CEP128: variants seen among roughly 807,000 people sequenced by gnomAD.
The protein encoded by CEP128 is centrosomal protein 128, also known as centrosomal protein 128kDa.
In CEP128, 132 loss-of-function variants were observed where a neutral mutation model predicts 156.7. The ratio of observed to expected loss-of-function variants is 0.84; its 90% CI spans 0.73 to 0.97. The LOEUF (loss-of-function observed/expected upper bound fraction) is 0.97, where lower values mean the gene tolerates loss of function less well. Among genes scored for constraint, CEP128 ranks in the 50% least tolerant of loss-of-function variants. CEP128 has a pLI of 0.00. For missense variants in CEP128, 1,252 were observed against 1,281.9 expected (o/e 0.98, Z 0.36); for synonymous variants, 469 against 448.9 (o/e 1.04, Z -0.57).
chr14:80,667,424 T>C (rs1321214623), intron 19 of CEP128, among the ~76,000 whole-genome samples: 1 of 152,096 alleles, frequency 6.6e-6, no homozygotes, highest in Non-Finnish European at 1.5e-5. Context: ...TATAAAACTG[T>C]TAGGGAGTGG....
At chr14:80,673,370 G>A (rs1489384137) in intron 19 of CEP128, among the ~76,000 whole-genome samples, 2 of 152,184 alleles carry the variant, frequency 1.3e-5, no homozygotes, top group Admixed American at 6.5e-5. Flanking sequence ...CAGGCCGGGC[G>A]CGGTGGCTCA....
At chr14:80,876,319 C>T (rs1299483255) in intron 8 of CEP128, among the ~76,000 whole-genome samples, 4 of 151,828 alleles carry the variant, frequency 2.6e-5, no homozygotes, top group East Asian at 1.9e-4. Context: ...AGCATCAGGC[C>T]GGGCGCAGTG....
intron 19 of CEP128, among the ~76,000 whole-genome samples, chr14:80,592,369 A>G (rs1036152055): frequency 6.6e-6 from 1 of 152,216 alleles, no homozygotes; most frequent in African/African-American, 2.4e-5. Context: ...AGAATACTAT[A>G]AACACCTCTA....
downstream of CEP128, among the ~76,000 whole-genome samples, chr14:80,485,923 C>A (rs1277277500): frequency 6.6e-6 from 1 of 152,154 alleles, no homozygotes; most frequent in Non-Finnish European, 1.5e-5. Context: ...ATCTACATTA[C>A]CACTTGGTAC....
At chr14:80,911,971 C>A (rs548057909) in intron 4 of CEP128, among the ~76,000 whole-genome samples, 175 of 152,308 alleles carry the variant, frequency 1.1e-3, no homozygotes, top group Non-Finnish European at 2.3e-3. Flanking sequence ...GTAATCCCAG[C>A]ACTTTGGGAG....
intron 23 of CEP128, among the ~76,000 whole-genome samples, chr14:80,516,283 G>C (rs925147247): frequency 6.6e-6 from 1 of 152,148 alleles, no homozygotes; most frequent in Non-Finnish European, 1.5e-5. Context: ...CATGGAATGA[G>C]GGCTTCAGGA....
chr14:80,485,266 G>T (rs549696665), intron 14 of CEP128, among the ~76,000 whole-genome samples: 1 of 152,062 alleles, frequency 6.6e-6, no homozygotes, highest in Admixed American at 6.5e-5. Context: ...ATCATTTTGC[G>T]GTTGTATGGC....
chr14:80,588,696 T>C (rs1433691525), intron 19 of CEP128, among the ~76,000 whole-genome samples: 1 of 152,114 alleles, frequency 6.6e-6, no homozygotes, highest in African/African-American at 2.4e-5. Context: ...TAAAGACGAA[T>C]TATTACAGCT....
intron 17 of CEP128, among the ~76,000 whole-genome samples, chr14:80,759,669 C>G (rs1360922745): frequency 6.6e-6 from 1 of 152,166 alleles, no homozygotes; most frequent in East Asian, 1.9e-4. Flanking sequence ...CCACCCAAGA[C>G]TTGGATTGAA....
chr14:80,554,661 T>A (rs983949054), intron 21 of CEP128, among the ~76,000 whole-genome samples: 3 of 152,238 alleles, frequency 2.0e-5, no homozygotes, highest in African/African-American at 7.2e-5. Context: ...AACACTTTGT[T>A]ATGTGGTTAA....
intron 2 of CEP128, among the ~76,000 whole-genome samples, chr14:80,936,861 C>T (rs1190333216): frequency 6.6e-6 from 1 of 151,682 alleles, no homozygotes; most frequent in Non-Finnish European, 1.5e-5. Flanking sequence ...GATGAAAAAA[C>T]CTCTCACTCG....
At chr14:80,614,164 TA>T (rs1197143250) in intron 19 of CEP128, among the ~76,000 whole-genome samples, 3 of 152,086 alleles carry the variant, frequency 2.0e-5, no homozygotes, top group Non-Finnish European at 4.4e-5. Context: ...TTGAGGTGGT[TA>T]AAAAAGAATG....
intron 19 of CEP128, among the ~76,000 whole-genome samples, chr14:80,729,962 GAC>G (rs997394312): frequency 8.5e-5 from 13 of 152,196 alleles, no homozygotes; most frequent in African/African-American, 3.1e-4. Flanking sequence ...CATGAACAAA[GAC>G]AGAAATATTA....
intron 8 of CEP128, among the ~76,000 whole-genome samples, chr14:80,871,182 C>T (rs943879030): frequency 7.9e-5 from 12 of 151,900 alleles, no homozygotes; most frequent in South Asian, 2.1e-4. Flanking sequence ...GAATTTGGAA[C>T]GAAAGAAACC....
intron 13 of CEP128, among the ~76,000 whole-genome samples, chr14:80,809,670 C>T (rs912241680): frequency 6.6e-6 from 1 of 152,078 alleles, no homozygotes; most frequent in Non-Finnish European, 1.5e-5. Context: ...CGGTGAACTT[C>T]TCAGCAGAAA....
intron 19 of CEP128, among the ~76,000 whole-genome samples, chr14:80,685,581 T>A (rs963037116): frequency 4.6e-5 from 7 of 151,740 alleles, no homozygotes; most frequent in Middle Eastern, 3.2e-3. Context: ...CTTGTTCACA[T>A]AACTAAAAAA....
At chr14:80,477,865 T>C (rs1440063322) in exon 15 of CEP128, 1 of 152,200 alleles carries the variant, frequency 6.6e-6, no homozygotes, top group African/African-American at 2.4e-5. Context: ...CAGGGCCTTT[T>C]TCCTTGTATT....
intron 18 of CEP128, among the ~76,000 whole-genome samples, chr14:80,747,187 G>GT: frequency 6.6e-6 from 1 of 152,268 alleles, no homozygotes; most frequent in East Asian, 1.9e-4. Flanking sequence ...TACTTTATGG[G>GT]TTAAACATAG....
chr14:80,788,360 T>C (rs148093906), intron 14 of CEP128, among the ~76,000 whole-genome samples: 194 of 132,078 alleles, frequency 1.5e-3, no homozygotes, highest in African/African-American at 5.2e-3. Flanking sequence ...TTTGGATAAA[T>C]AATTCAACTT....
Sources: gnomAD v4.1 joint callset for allele counts (sites outside exome capture counted in the v4.1 genomes callset) on GRCh38, gnomAD v4.1.1 for gene constraint, MANE v1.5 for transcripts, NCBI Gene and HGNC (gene_info 2026-07-23, HGNC 2026-07-21) for gene names.